The following PALLD variants were observed in gnomAD, a reference collection of about 807,000 sequenced individuals.
The protein encoded by PALLD is palladin, cytoskeletal associated protein, also known as palladin.
In PALLD, 61 loss-of-function variants were observed where a neutral mutation model predicts 123.5. The ratio of observed to expected loss-of-function variants is 0.49; its 90% CI spans 0.40 to 0.61. The LOEUF is 0.61. Among genes scored for constraint, PALLD ranks in the 20% least tolerant of loss-of-function variants. The pLI, the probability that PALLD is intolerant of heterozygous loss-of-function variation, is 0.00. For missense variants in PALLD, 1,273 were observed against 1,377.0 expected, an observed-to-expected ratio of 0.92 and a Z score of 1.20; for synonymous variants, 465 against 496.4, an observed-to-expected ratio of 0.94 and a Z score of 0.84.
At chr4:168,819,436 T>C (rs891170792) in intron 10 of PALLD, among the ~76,000 whole-genome samples, 103 of 151,848 alleles carry the variant, frequency 6.8e-4, no homozygotes, top group African/African-American at 2.2e-3. Flanking sequence ...TTAAACACCG[T>C]CATCAGCAGC....
intron 2 of PALLD, chr4:168,631,832 C>T: frequency 7.1e-6 from 7 of 985,428 alleles, no homozygotes; most frequent in Non-Finnish European, 8.4e-6. Context: ...TGGGAATAAG[C>T]GAGATCTGAA....
chr4:168,502,723 G>T (rs147066816), intron 1 of PALLD, among the ~76,000 whole-genome samples: 254 of 152,180 alleles, frequency 1.7e-3, no homozygotes, highest in African/African-American at 5.6e-3. Context: ...GAAAAAGGGA[G>T]ACCTCGTTTC....
chr4:168,805,484 T>C (rs1046057013), intron 10 of PALLD, among the ~76,000 whole-genome samples: 14 of 152,202 alleles, frequency 9.2e-5, no homozygotes, highest in Non-Finnish European at 5.9e-5. Flanking sequence ...CTCGGTCCAA[T>C]CCGATGCTTA....
intron 21 of PALLD, 108 bp downstream of exon 21, chr4:168,925,386 T>C: frequency 1.2e-6 from 1 of 828,544 alleles, no homozygotes; most frequent in Non-Finnish European, 2.1e-6. Context: ...GAGTTAACAG[T>C]AGGCAAAGGC....
At chr4:168,725,522 C>CTTTTTTTTTTTT (rs1210834634) in intron 10 of PALLD, among the ~76,000 whole-genome samples, 15 of 91,650 alleles carry the variant, frequency 1.6e-4, no homozygotes, top group Non-Finnish European at 2.3e-4. Context: ...TCTTTAATTT[C>CTTTTTTTTTTTT]TTTTTTTTTT....
intron 1 of PALLD, among the ~76,000 whole-genome samples, chr4:168,502,315 C>T (rs1044870215): frequency 2.0e-5 from 3 of 152,054 alleles, no homozygotes; most frequent in Non-Finnish European, 4.4e-5. Flanking sequence ...AGAATAAATG[C>T]TTTTCTAGTT....
intron 1 of PALLD, chr4:168,507,761 A>G (rs964397615): frequency 5.6e-6 from 1 of 178,678 alleles, no homozygotes; most frequent in African/African-American, 2.4e-5. Context: ...TACCCATAAC[A>G]TAAAATGCAA....
intron 10 of PALLD, among the ~76,000 whole-genome samples, chr4:168,805,775 T>C (rs1740104241): frequency 6.6e-6 from 1 of 152,238 alleles, no homozygotes; most frequent in South Asian, 2.1e-4. Flanking sequence ...TTAGAGGTCA[T>C]AGATTTCCCT....
intron 8 of PALLD, among the ~76,000 whole-genome samples, chr4:168,702,925 T>C (rs965970877): frequency 6.6e-6 from 1 of 150,612 alleles, no homozygotes; most frequent in African/African-American, 2.4e-5. Flanking sequence ...TTTATTATTA[T>C]ACTTTAAGTT....
At chr4:168,549,815 C>G (rs1766546472) in intron 2 of PALLD, among the ~76,000 whole-genome samples, 1 of 151,972 alleles carries the variant, frequency 6.6e-6, no homozygotes, top group Non-Finnish European at 1.5e-5. Context: ...AGAAACAAAT[C>G]TTTAACCCTC....
At chr4:168,519,604 A>C (rs1763334738) in intron 2 of PALLD, among the ~76,000 whole-genome samples, 1 of 152,040 alleles carries the variant, frequency 6.6e-6, no homozygotes, top group Non-Finnish European at 1.5e-5. Flanking sequence ...GGTATAGTCT[A>C]CTTTATTTGC....
chr4:168,898,347 A>G (rs1237309897), intron 13 of PALLD, 146 bp from the exon 14 acceptor site: 2 of 679,436 alleles, frequency 2.9e-6, no homozygotes, highest in Admixed American at 4.4e-5. Flanking sequence ...TTTGTTTCAT[A>G]TGCAATTGAA....
chr4:168,775,649 A>T (rs537639563), intron 10 of PALLD, among the ~76,000 whole-genome samples: 2 of 152,342 alleles, frequency 1.3e-5, no homozygotes, highest in African/African-American at 4.8e-5. Context: ...TCTTCCAGGC[A>T]CACATATTAT....
At chr4:168,864,737 A>G (rs1750014812) in intron 10 of PALLD, among the ~76,000 whole-genome samples, 1 of 152,258 alleles carries the variant, frequency 6.6e-6, no homozygotes, top group South Asian at 2.1e-4. Flanking sequence ...TTAATAAAGT[A>G]CAGCAAAATA....
chr4:168,882,926 C>A (rs1051543870), intron 10 of PALLD, among the ~76,000 whole-genome samples: 1 of 152,018 alleles, frequency 6.6e-6, no homozygotes, highest in Non-Finnish European at 1.5e-5. Flanking sequence ...ACCATCTCTA[C>A]TAAAATACAA....
At chr4:168,800,067 G>T (rs1739100077) in intron 10 of PALLD, among the ~76,000 whole-genome samples, 1 of 152,084 alleles carries the variant, frequency 6.6e-6, no homozygotes. Flanking sequence ...TCAGAGGCAG[G>T]CTTCATATCT....
chr4:168,759,271 G>T (rs868407659), intron 10 of PALLD, among the ~76,000 whole-genome samples: 2 of 126,230 alleles, frequency 1.6e-5, no homozygotes, highest in African/African-American at 6.0e-5. Flanking sequence ...CCATTATACT[G>T]ACCCCACCAA....
At chr4:168,701,407 G>C (rs895979399) in intron 8 of PALLD, among the ~76,000 whole-genome samples, 3 of 152,194 alleles carry the variant, frequency 2.0e-5, no homozygotes, top group Non-Finnish European at 4.4e-5. Context: ...ATGGAAGGAT[G>C]GGAGGATGAT....
intron 2 of PALLD, among the ~76,000 whole-genome samples, chr4:168,602,787 A>G (rs56739367): frequency 0.18 from 28,123 of 152,020 alleles, 2,742 homozygotes; most frequent in Non-Finnish European, 0.2. Flanking sequence ...AGAGAAAAAG[A>G]CAAGGTCTCA....
Sources: allele counts gnomAD v4.1 joint callset (sites outside exome capture counted in the v4.1 genomes callset), GRCh38; gene constraint gnomAD v4.1.1; transcripts MANE v1.5; gene names NCBI Gene and HGNC (gene_info 2026-07-23, HGNC 2026-07-21).